Variants in OTOF observed in about 807,000 individuals in gnomAD.
The protein encoded by OTOF is fer-1-like family member 2.
OTOF carries 218 observed loss-of-function variants against 236.8 expected under a neutral mutation model. The ratio of observed to expected loss-of-function variants is 0.92; its 90% CI spans 0.82 to 1.03. OTOF has a LOEUF of 1.03. OTOF is among the 50% of genes least tolerant of loss of function. The pLI is 0.00. For synonymous variants in OTOF, 1,041 were observed against 1,072.5 expected, an observed-to-expected ratio of 0.97 and a Z score of 0.57; for missense variants, 2,590 against 2,694.4, an observed-to-expected ratio of 0.96 and a Z score of 0.86.
chr2:26,464,977 G>A lies in OTOF; in HGVS notation c.4852C>T (p.Arg1618Cys), dbSNP rs150131683. 21 of 1,540,578 alleles carry A rather than the reference G, an allele frequency of 1.4e-5. No individual in the cohort carries two copies. Among genetic ancestry groups the A allele is most frequent in the Middle Eastern group, 1.7e-4 (1 of 5,740 alleles). Residue 1618 changes from arginine to cysteine, a missense_variant, in exon 39 of 47, where the codon CGC becomes TGC. This residue lies in a region of OTOF where 1,211 missense variants were observed against 1,352.8 expected (regional missense o/e 0.90). Transcript: ENST00000272371. ...DPMKPSQILT[R>C]LCKDGKVDGP... ...TCCACTTTGCCGTCTTTGCAGAGGC[G>A]GGTCAGGATCTGGCTGGGCTTCATG...
At chr2:26,484,367 G>A in intron 12 of OTOF, 107 bp downstream of exon 12, 1 of 1,194,816 alleles carries the variant, frequency 8.4e-7, no homozygotes, top group Non-Finnish European at 1.2e-6. Context: ...GCGAGAGCAG[G>A]GTGAGGGAGA....
intron 34 of OTOF, 38 bp from the exon 35 acceptor site, chr2:26,467,271 T>TA: frequency 2.5e-6 from 4 of 1,613,976 alleles, no homozygotes; most frequent in Non-Finnish European, 3.4e-6. Context: ...GGCTGCCTGG[T>TA]CTCTGGCTTT....
chr2:26,518,734 G>C lies in OTOF; in HGVS notation c.327+276C>G, dbSNP rs78950422. On this transcript the variant is annotated intron_variant, in intron 4 of 46. Transcript: ENST00000272371. ...AAGGAGCCTCTTTAGTGACTCCTGAGCTGGGTCCAAATGGAAGGACCAGTT... is the reference window on the plus strand; with the variant it reads ...AAGGAGCCTCTTTAGTGACTCCTGACCTGGGTCCAAATGGAAGGACCAGTT... 3.8e-3 allele frequency among the ~76,000 whole-genome samples: 574 copies of C among 152,364 alleles called. 5 individuals are homozygous for C. Among genetic ancestry groups the C allele is most frequent in the African/African-American group, 0.013 (553 of 41,594 alleles).
At position 26,516,613 on chromosome 2, in the gene OTOF, G is replaced by A. The variant is rs200932993; in HGVS notation, c.328-14C>T. The A allele has an allele frequency of 6.2e-7, 1 of 1,602,246 alleles. No individual in the cohort carries two copies. Among genetic ancestry groups the A allele is most frequent in the African/African-American group, 1.3e-5 (1 of 75,038 alleles). On this transcript the variant is annotated splice_polypyrimidine_tract_variant and intron_variant, in intron 4 of 46. Coordinates refer to ENST00000272371, the MANE Select transcript of OTOF (RefSeq NM_194248.3). ...GCACAGGCTGGTCTGAAGGGAGGGA[G>A]GCGGTGGTGAGCAGCTGGGATGGTG...
At chr2:26,482,986 T>C in intron 13 of OTOF, among the ~76,000 whole-genome samples, 1 of 130,454 alleles carries the variant, frequency 7.7e-6, no homozygotes, top group Non-Finnish European at 1.7e-5. Flanking sequence ...CGTGCGTGTG[T>C]GAGTGGGTGC....
Position 26,477,041 on chromosome 2 carries a change from G to C in OTOF, c.2526C>G (p.Pro842=). 6.3e-7 allele frequency: 1 copy of C among 1,577,096 alleles called. No homozygotes were observed. The highest frequency in any genetic ancestry group is 8.6e-7 in the Non-Finnish European group (1 of 1,161,346). ...LQKLRFLADE[P]QHSIPDIFIW... ...TGAAGATGTCGGGAATGCTGTGCTG[G>C]GGCTGGGGGTTGGGGGGTGGCCAGG... The change falls in exon 22 of 47, where the codon CCC becomes CCG. Residue 842 remains proline (P), a splice_region_variant and synonymous_variant. Transcript: ENST00000272371. The surrounding 1 kb of genome is among the most constrained non-coding windows in gnomAD (Gnocchi z 4.7).
chr2:26,483,417 T>C (rs758220342), intron 13 of OTOF, 45 bp downstream of exon 13: 1 of 1,580,216 alleles, frequency 6.3e-7, no homozygotes, highest in Non-Finnish European at 8.7e-7. Context: ...GCCCTTGTGA[T>C]ACCTGTCACC....
At chr2:26,502,597 G>A (rs533455873) in intron 6 of OTOF, among the ~76,000 whole-genome samples, 171 bp from the exon 7 acceptor site, 127 of 152,166 alleles carry the variant, frequency 8.3e-4, no homozygotes, top group Non-Finnish European at 1.7e-3. Context: ...ACCTAATCCC[G>A]ATCTTGGATT....
chr2:26,460,797 G>A lies in OTOF; in HGVS notation c.5713-50C>T. On this transcript the variant is annotated intron_variant, in intron 44 of 46. Coordinates refer to ENST00000272371, the MANE Select transcript of OTOF (RefSeq NM_194248.3). The surrounding 1 kb of genome is among the most constrained non-coding windows in gnomAD (Gnocchi z 5.3). The stretch of plus-strand genomic sequence containing the variant: ...CGTCCAGGCTGCGTGCTGGGCCCTT[G>A]GCACCCCAGCCAGTCCCAGCCCTGC... 3.1e-6 allele frequency: 5 copies of A among 1,612,864 alleles called. No homozygotes were observed. The African/African-American group carries it at 5.3e-5, about 17-fold the overall frequency.
Position 26,473,569 on chromosome 2 carries a change from T to G in OTOF, c.3409-2A>C, listed in dbSNP as rs201613240. The G allele has an allele frequency of 1.1e-5, 18 of 1,600,310 alleles. No homozygotes were observed. Among genetic ancestry groups the G allele is most frequent in the Non-Finnish European group, 1.5e-5 (18 of 1,175,776 alleles). ...GTCCCGTAGGCCCCAGAACAGCACC[T>G]GGGAGAGGTTGGAGGGTGGGTGCAG... On this transcript the variant is annotated splice_acceptor_variant, in intron 27 of 46. Transcript: ENST00000272371. LOFTEE classifies it high-confidence loss of function. The surrounding 1 kb of genome is among the most constrained non-coding windows in gnomAD (Gnocchi z 7.2).
chr2:26,542,927 A>G (rs1279928553), intron 1 of OTOF, among the ~76,000 whole-genome samples: 2 of 152,148 alleles, frequency 1.3e-5, no homozygotes, highest in African/African-American at 4.8e-5. Context: ...TGCCATTGCT[A>G]TTGTCCCTGT....
intron 3 of OTOF, among the ~76,000 whole-genome samples, chr2:26,523,664 C>T (rs1002843516): frequency 4.6e-5 from 7 of 152,254 alleles, no homozygotes; most frequent in African/African-American, 1.7e-4. Flanking sequence ...TGCCTCCTAA[C>T]ACCACAGGGG....
Position 26,464,949 on chromosome 2 carries a change from C to T in OTOF, c.4880G>A (p.Gly1627Asp). The change falls in exon 39 of 47, where the codon GGC becomes GAC. Residue 1627 changes from glycine to aspartate, a missense_variant. Coordinates refer to ENST00000272371, the MANE Select transcript of OTOF (RefSeq NM_194248.3). ...TRLCKDGKVD[G>D]PHFGPPGRVK... ...TCTCCCAGGGGGCCCAAAGTGGGGG[C>T]CGTCCACTTTGCCGTCTTTGCAGAG... 6.4e-7 allele frequency: 1 copy of T among 1,574,698 alleles called. No individual in the cohort carries two copies. Among genetic ancestry groups the T allele is most frequent in the Non-Finnish European group, 8.6e-7 (1 of 1,159,816 alleles).
At position 26,484,544 on chromosome 2, in the gene OTOF, C is replaced by T. The variant is rs141111646; in HGVS notation, c.1135G>A (p.Val379Met). ...LKGYVKCDVA[V>M]VGKGDNIKTP... ...TTGATGTTGTCCCCTTTGCCCACCACGGCAACGTCACACTTCACGTAGCCC... is the reference window on the plus strand; with the variant it reads ...TTGATGTTGTCCCCTTTGCCCACCATGGCAACGTCACACTTCACGTAGCCC... Residue 379 changes from valine (V) to methionine (M), a missense_variant, in exon 12 of 47, where the codon GTG becomes ATG. By Grantham distance (21) the Val-to-Met change is conservative (BLOSUM62 1). Around this residue, in one of 2 missense-constraint regions of OTOF, gnomAD observed 1,379 missense variants for 1,341.6 expected, o/e 1.03. Transcript: ENST00000272371. 6.2e-5 allele frequency: 100 copies of T among 1,614,018 alleles called. No homozygotes were observed. The African/African-American group carries it at 9.9e-4, about 16-fold the overall frequency.
In OTOF at chr2:26,461,589, A is replaced by G. The variant is rs1190542395; in HGVS notation, c.5533+107T>C. On this transcript the variant is annotated intron_variant, in intron 43 of 46. Transcript: ENST00000272371. This position sits in a 1 kb window ranked among gnomAD's most constrained non-coding sequence, Gnocchi z 6.2. ...CCCTGGCTCTGATGGACTGGAAGCA[A>G]TGACCCCTTGTCCCCCCAAGGCAGG... is the stretch of plus-strand genomic sequence containing the variant. 8.1e-6 allele frequency: 12 copies of G among 1,488,600 alleles called. No homozygotes were observed. Among genetic ancestry groups the G allele is most frequent in the Non-Finnish European group, 1.8e-6 (2 of 1,086,010 alleles). The allele number at this position is 1,488,600 out of a possible 1,614,324, so 92.2% of individuals were successfully genotyped here.
At chr2:26,544,506 A>G (rs1014254004) in intron 1 of OTOF, among the ~76,000 whole-genome samples, 2 of 152,212 alleles carry the variant, frequency 1.3e-5, no homozygotes, top group African/African-American at 4.8e-5. Flanking sequence ...TGTTGCATAT[A>G]TAAGTAATGT....
At chr2:26,538,318 G>A (rs1667125922) in intron 1 of OTOF, among the ~76,000 whole-genome samples, 1 of 152,230 alleles carries the variant, frequency 6.6e-6, no homozygotes, top group South Asian at 2.1e-4. Context: ...GTGGGCCAAG[G>A]GCCTTCCCCT....
chr2:26,521,750 G>C (rs947404252), intron 3 of OTOF, among the ~76,000 whole-genome samples: 6 of 152,236 alleles, frequency 3.9e-5, no homozygotes, highest in Non-Finnish European at 7.3e-5. Flanking sequence ...TGTAGACAGT[G>C]AGGAGCCTGG....
At position 26,465,798 on chromosome 2, in the gene OTOF, G is replaced by A. The variant is rs755074488; in HGVS notation, c.4673C>T (p.Thr1558Met). The A allele has an allele frequency of 9.9e-6, 16 of 1,614,112 alleles. No individual in the cohort carries two copies. Among genetic ancestry groups the A allele is most frequent in the South Asian group, 2.2e-5 (2 of 91,090 alleles). The change falls in exon 38 of 47, where the codon ACG (threonine) becomes ATG (methionine). Residue 1558 changes from threonine to methionine, a missense_variant. Transcript: ENST00000272371. ...EASFPMESML[T>M]VAVYDWDLVG... ...CAGGTCCCAGTCATACACAGCCACCGTCAGCATGGATTCCATGGGGAAGGA... is the reference window on the plus strand; with the variant it reads ...CAGGTCCCAGTCATACACAGCCACCATCAGCATGGATTCCATGGGGAAGGA...
Sources: gnomAD v4.1 joint callset for allele counts (sites outside exome capture counted in the v4.1 genomes callset) on GRCh38, gnomAD v4.1.1 for gene constraint, gnomAD v4.1.1 regional missense constraint, Gnocchi (gnomAD v3.1) non-coding constraint, MANE v1.5 for transcripts, NCBI Gene and HGNC (gene_info 2026-07-23, HGNC 2026-07-21) for gene names.